Variants in CUL3 observed in about 807,000 individuals in gnomAD.
CUL3 encodes cullin 3, also known as cullin-3.
In CUL3, 19 loss-of-function variants were observed where a neutral mutation model predicts 89.1. That is an observed-to-expected ratio of 0.21 (90% CI 0.15 to 0.31). The LOEUF (loss-of-function observed/expected upper bound fraction) is 0.31. CUL3 is among the 10% of genes least tolerant of loss of function. The pLI is 1.00. For missense variants in CUL3, 469 were observed against 942.3 expected (o/e 0.50, Z 6.58); for synonymous variants, 351 against 308.4 (o/e 1.14, Z -1.45).
At chr2:224,546,666 AT>A (rs371579869) in intron 2 of CUL3, among the ~76,000 whole-genome samples, 9 of 122,160 alleles carry the variant, frequency 7.4e-5, no homozygotes, top group African/African-American at 1.9e-4. Flanking sequence ...CAGAAATAGG[AT>A]GGGGGGGGGT....
intron 1 of CUL3, among the ~76,000 whole-genome samples, chr2:224,584,694 G>A (rs1403157815): frequency 6.7e-6 from 1 of 150,132 alleles, no homozygotes; most frequent in Admixed American, 6.6e-5. Context: ...CGGAGCGGCT[G>A]AAGGAGCAGC....
At chr2:224,481,012 C>G (rs1384000220) in intron 14 of CUL3, among the ~76,000 whole-genome samples, 1 of 152,024 alleles carries the variant, frequency 6.6e-6, no homozygotes, top group Non-Finnish European at 1.5e-5. Context: ...AAATGAAAAA[C>G]AAAAATTTAA....
intron 2 of CUL3, among the ~76,000 whole-genome samples, chr2:224,536,420 G>GT (rs35871263): frequency 0.19 from 28,904 of 152,050 alleles, 3,079 homozygotes; most frequent in South Asian, 0.27. Context: ...CATACAATTT[G>GT]TTTTTTGTCA....
chr2:224,472,821 A>C lies in CUL3; in HGVS notation c.*1424T>G, dbSNP rs1691178785. 9.8e-6 allele frequency: 2 copies of C among 204,472 alleles called. No individual in the cohort carries two copies. The highest frequency in any genetic ancestry group is 1.0e-5 in the Non-Finnish European group (1 of 99,502). The allele number at this position is 204,472 out of a possible 1,614,324, so 12.7% of individuals were successfully genotyped here. Reference sequence around the variant, plus strand: ...TAACTTGACCATAAATTTAAACAGAAACCATCTTCTGAGACATACATTCTA... The same window carrying C: ...TAACTTGACCATAAATTTAAACAGACACCATCTTCTGAGACATACATTCTA... On this transcript the variant is annotated 3_prime_UTR_variant, in exon 16 of 16. Coordinates refer to ENST00000264414, the MANE Select transcript of CUL3 (RefSeq NM_003590.5).
Position 224,522,760 on chromosome 2 carries a change from G to A in CUL3, c.379-7988C>T, listed in dbSNP as rs192236235. 2.0e-3 allele frequency among the ~76,000 whole-genome samples: 310 copies of A among 151,484 alleles called. 1 individual carries two copies. Among genetic ancestry groups the A allele is most frequent in the Non-Finnish European group, 3.3e-3 (221 of 67,964 alleles). On this transcript the variant is annotated intron_variant, in intron 3 of 15. Transcript: ENST00000264414. The stretch of plus-strand genomic sequence containing the variant: ...GGAGAATGATATGAACCCGGGAGGC[G>A]GAGCTTGCAGTGAGTCAAGATCCTG...
chr2:224,577,063 A>T (rs1695318871), intron 1 of CUL3, among the ~76,000 whole-genome samples: 1 of 152,234 alleles, frequency 6.6e-6, no homozygotes, highest in Admixed American at 6.5e-5. Flanking sequence ...AGTGTATGGC[A>T]TTCGATGTAA....
chr2:224,495,597 T>C (rs1370045266), intron 13 of CUL3: 3 of 298,012 alleles, frequency 1.0e-5, no homozygotes, highest in African/African-American at 6.6e-5. Flanking sequence ...ACTCATCAAA[T>C]TGTCTACTTA....
intron 15 of CUL3, among the ~76,000 whole-genome samples, chr2:224,476,036 T>C (rs1217708336): frequency 6.6e-6 from 1 of 151,984 alleles, no homozygotes; most frequent in Non-Finnish European, 1.5e-5. Context: ...ATTAGTTTTT[T>C]TTTTTGAGAT....
chr2:224,581,315 G>C (rs944314627), intron 1 of CUL3, among the ~76,000 whole-genome samples: 1 of 150,704 alleles, frequency 6.6e-6, no homozygotes, highest in Non-Finnish European at 1.5e-5. Flanking sequence ...AGAATCGCTC[G>C]AACCCAGGAG....
intron 3 of CUL3, among the ~76,000 whole-genome samples, chr2:224,518,729 A>T (rs1044143400): frequency 3.3e-5 from 5 of 152,168 alleles, no homozygotes; most frequent in African/African-American, 1.2e-4. Flanking sequence ...CATTAATATC[A>T]TTTCCTATGA....
intron 2 of CUL3, among the ~76,000 whole-genome samples, chr2:224,538,464 A>C (rs537445210): frequency 1.6e-4 from 24 of 152,352 alleles, no homozygotes; most frequent in African/African-American, 4.8e-4. Flanking sequence ...ATTGAAAAAG[A>C]AAGCAAGCAT....
intron 2 of CUL3, among the ~76,000 whole-genome samples, chr2:224,539,981 G>A (rs1034092208): frequency 1.4e-5 from 2 of 144,786 alleles, no homozygotes; most frequent in African/African-American, 2.6e-5. Context: ...TGGTGTGGAT[G>A]TGCATACAGG....
At position 224,499,347 on chromosome 2, in the gene CUL3, C is replaced by T. The variant is rs1349474489; in HGVS notation, c.1610+1016G>A. The T allele has an allele frequency of 2.3e-4, 50 of 222,126 alleles. 1 individual carries two copies. 13.8% of individuals were successfully genotyped at this position (222,126 alleles called of 1,614,324 possible). On this transcript the variant is annotated intron_variant, in intron 11 of 15. Coordinates refer to ENST00000264414, the MANE Select transcript of CUL3 (RefSeq NM_003590.5). ...ATCTCACACAAAGAAGGCACTGGTA[C>T]TTGGACACTTAAGACAATTACTAGA...
intron 1 of CUL3, among the ~76,000 whole-genome samples, chr2:224,582,466 A>T (rs1385422026): frequency 6.6e-6 from 1 of 152,254 alleles, no homozygotes; most frequent in Non-Finnish European, 1.5e-5. Flanking sequence ...AAACTGTAAT[A>T]GTTCTTTCCA....
chr2:224,478,173 A>G, intron 15 of CUL3, 27 bp downstream of exon 15: 1 of 1,559,732 alleles, frequency 6.4e-7, no homozygotes, highest in Non-Finnish European at 8.7e-7. Context: ...TTTTTTCTAT[A>G]TTAGCCCAGT....
intron 1 of CUL3, chr2:224,560,418 G>A (rs1404248106): frequency 2.6e-5 from 4 of 152,384 alleles, no homozygotes; most frequent in East Asian, 1.9e-4. Flanking sequence ...ACTTTAATGC[G>A]TAGTAGGCAT....
chr2:224,572,371 G>C (rs1695199686), intron 1 of CUL3, among the ~76,000 whole-genome samples: 2 of 152,002 alleles, frequency 1.3e-5, no homozygotes, highest in South Asian at 4.1e-4. Flanking sequence ...CAATGCAGGT[G>C]CAGCAGCTCA....
At chr2:224,477,432 C>T (rs1038496969) in intron 15 of CUL3, among the ~76,000 whole-genome samples, 2 of 152,316 alleles carry the variant, frequency 1.3e-5, no homozygotes, top group East Asian at 1.9e-4. Context: ...TCCATGCTAA[C>T]ACTGAGCAAT....
At chr2:224,554,157 A>G (rs1043809083) in intron 2 of CUL3, among the ~76,000 whole-genome samples, 4 of 152,118 alleles carry the variant, frequency 2.6e-5, no homozygotes, top group Admixed American at 2.6e-4. Context: ...CCTGTGCCCA[A>G]GGTTTAAAAA....
Sources: gnomAD v4.1 joint callset for allele counts (sites outside exome capture counted in the v4.1 genomes callset) on GRCh38, gnomAD v4.1.1 for gene constraint, MANE v1.5 for transcripts, NCBI Gene and HGNC (gene_info 2026-07-23, HGNC 2026-07-21) for gene names.